Variants in CBLB observed in about 807,000 individuals in gnomAD.
The protein encoded by CBLB is E3 ubiquitin-protein ligase CBL-B.
In CBLB, 31 loss-of-function variants were observed where a neutral mutation model predicts 104.9. The ratio of observed to expected loss-of-function variants is 0.30; its 90% CI spans 0.22 to 0.40. The LOEUF is 0.40. Ranked by LOEUF, CBLB falls within the 10% of genes least tolerant of loss-of-function variation. The pLI is 1.00. For missense variants in CBLB, 1,062 were observed against 1,214.6 expected (o/e 0.87, Z 1.87); for synonymous variants, 440 against 422.6 (o/e 1.04, Z -0.51).
Position 105,857,178 on chromosome 3 carries a change from C to T in CBLB, c.169-3514G>A, listed in dbSNP as rs138368433. On this transcript the variant is annotated intron_variant, in intron 2 of 18. Transcript: ENST00000394030. The stretch of plus-strand genomic sequence containing the variant: ...TCAGGTATTTTTTTTCCAGACATTC[C>T]ACATAAATATTCTTTGACAGAAACG... Among the ~76,000 whole-genome samples, 299 of 152,162 alleles carry T rather than the reference C, an allele frequency of 2.0e-3. 4 individuals are homozygous for T. Among genetic ancestry groups the T allele is most frequent in the African/African-American group, 6.6e-3 (274 of 41,528 alleles).
intron 3 of CBLB, among the ~76,000 whole-genome samples, chr3:105,832,618 T>C (rs1350529251): frequency 6.6e-6 from 1 of 152,220 alleles, no homozygotes; most frequent in Non-Finnish European, 1.5e-5. Flanking sequence ...CTATTAAATT[T>C]CTTTTTCCAT....
At position 105,665,395 on chromosome 3, in the gene CBLB, AAATAAAT is replaced by A. The variant is rs1559733530; in HGVS notation, c.2689+4831_2689+4837del. Among the ~76,000 whole-genome samples the A allele has an allele frequency of 6.0e-4, 61 of 101,716 alleles. No homozygotes were observed. In the East Asian group the frequency reaches 8.8e-3, roughly 15 times the overall value. The allele number at this position is 101,716 out of a possible 152,430, so 66.7% of individuals were successfully genotyped here. A position where few individuals can be genotyped will look rare whatever the true frequency, so the allele number is the denominator to read the frequency against. ...AGCGAGACTCTGTCTCCAAAAAAAT[AAATAAAT>A]AAATAAATAAATAAATATATATATA... is the stretch of plus-strand genomic sequence containing the variant. On this transcript the variant is annotated intron_variant, in intron 18 of 18. Transcript: ENST00000394030.
rs373403352 is a variant in CBLB at position 105,681,544 on chromosome 3, T to C, written c.2363A>G (p.Asn788Ser). The C allele has an allele frequency of 3.7e-6, 6 of 1,614,102 alleles. No homozygotes were observed. Among genetic ancestry groups the C allele is most frequent in the Non-Finnish European group, 4.2e-6 (5 of 1,179,964 alleles). Reference protein sequence around the residue: ...LPPARPPTRDNPKHGSSLNRT... With the variant: ...LPPARPPTRDSPKHGSSLNRT... The stretch of plus-strand genomic sequence containing the variant: ...GTTGAGTGAAGAACCATGCTTTGGA[T>C]TGTCCCGAGTTGGAGGCCTGGCAGG... Residue 788 changes from asparagine (N) to serine (S), a missense_variant, in exon 16 of 19, where the codon AAT becomes AGT. Physicochemically the swap from Asn to Ser is conservative, Grantham distance 46. This residue lies in a region of CBLB where 605 missense variants were observed against 582.6 expected (regional missense o/e 1.04). Coordinates refer to ENST00000394030, the MANE Select transcript of CBLB (RefSeq NM_170662.5).
chr3:105,672,137 G>A lies in CBLB; in HGVS notation c.2570-1785C>T, dbSNP rs184548312. 3.5e-3 allele frequency: 667 copies of A among 192,196 alleles called. 3 individuals carry two copies. The highest frequency in any genetic ancestry group is 0.015 in the African/African-American group (648 of 43,198). 11.9% of individuals were successfully genotyped at this position (192,196 alleles called of 1,614,324 possible). Reference sequence around the variant, plus strand: ...ACATACACTTGCTTATTTCTTTACGGGAAATTTATAGGTTTGTCAAATACA... The same window carrying A: ...ACATACACTTGCTTATTTCTTTACGAGAAATTTATAGGTTTGTCAAATACA... On this transcript the variant is annotated intron_variant, in intron 17 of 18. Transcript: ENST00000394030.
At chr3:105,717,523 G>A (rs1176421911) in intron 10 of CBLB, among the ~76,000 whole-genome samples, 2 of 152,160 alleles carry the variant, frequency 1.3e-5, no homozygotes, top group East Asian at 3.9e-4. Flanking sequence ...CACTTAAAAT[G>A]TAAAATCATT....
intron 3 of CBLB, among the ~76,000 whole-genome samples, chr3:105,783,984 C>T (rs1357565980): frequency 3.3e-5 from 5 of 152,140 alleles, no homozygotes; most frequent in Admixed American, 2.6e-4. Context: ...TTTAACTTTG[C>T]ATTAATGCTA....
At chr3:105,855,565 A>C (rs569256049) in intron 2 of CBLB, among the ~76,000 whole-genome samples, 8 of 152,328 alleles carry the variant, frequency 5.3e-5, no homozygotes, top group African/African-American at 1.7e-4. Flanking sequence ...TTTTTAAAAG[A>C]TGGTTTTAGA....
Position 105,704,104 on chromosome 3 carries a change from G to T in CBLB, c.1477C>A (p.Gln493Lys). 1 of 1,614,174 alleles carries T rather than the reference G, an allele frequency of 6.2e-7. No individual in the cohort carries two copies. Among genetic ancestry groups the T allele is most frequent in the Non-Finnish European group, 8.5e-7 (1 of 1,180,002 alleles). ...SSPLAQRRKPQPDPLQIPHLS... is the reference protein window; with the variant it reads ...SSPLAQRRKPKPDPLQIPHLS... The stretch of plus-strand genomic sequence containing the variant: ...TGTGGGATCTGGAGTGGGTCAGGCT[G>T]TGGCTTTCTTCTCTGGGCAAGGGGA... The change falls in exon 11 of 19, where the codon CAG becomes AAG. Residue 493 changes from glutamine to lysine, a missense_variant. This residue lies in a region of CBLB where 457 missense variants were observed against 632.0 expected (regional missense o/e 0.72). Coordinates refer to ENST00000394030, the MANE Select transcript of CBLB (RefSeq NM_170662.5).
intron 6 of CBLB, among the ~76,000 whole-genome samples, chr3:105,742,835 C>T (rs1438339453): frequency 1.3e-5 from 2 of 152,064 alleles, no homozygotes; most frequent in Non-Finnish European, 2.9e-5. Flanking sequence ...TAGTAAGAAT[C>T]TAGTAGATAC....
intron 3 of CBLB, among the ~76,000 whole-genome samples, chr3:105,849,786 T>A (rs376505013): frequency 1.1e-4 from 16 of 152,222 alleles, no homozygotes; most frequent in African/African-American, 3.6e-4. Flanking sequence ...ATTTAATGGA[T>A]GACTTGGCTG....
At chr3:105,850,370 C>T (rs2090790339) in intron 3 of CBLB, among the ~76,000 whole-genome samples, 1 of 151,998 alleles carries the variant, frequency 6.6e-6, no homozygotes, top group Non-Finnish European at 1.5e-5. Flanking sequence ...CCCTATGAGG[C>T]CAGTTTTTCT....
Position 105,737,502 on chromosome 3 carries a change from A to C in CBLB, c.984-244T>G, listed in dbSNP as rs185717271. Among the ~76,000 whole-genome samples the C allele has an allele frequency of 2.0e-3, 303 of 152,196 alleles. 2 individuals are homozygous for C. Among genetic ancestry groups the C allele is most frequent in the African/African-American group, 7.1e-3 (294 of 41,540 alleles). On this transcript the variant is annotated intron_variant, in intron 7 of 18. Transcript: ENST00000394030. ...CCTAACCCACTAAGCAACCATTTTC[A>C]ATGAAATACCTTTAATATATGTCTC... is the stretch of plus-strand genomic sequence containing the variant.
chr3:105,685,571 C>T (rs901876374), intron 13 of CBLB, 105 bp from the exon 14 acceptor site: 27 of 887,620 alleles, frequency 3.0e-5, no homozygotes, highest in Non-Finnish European at 4.7e-5. Context: ...CACTTATGTT[C>T]ATTTTTCAAT....
At chr3:105,680,309 AAGAC>A (rs745624067) in intron 16 of CBLB, among the ~76,000 whole-genome samples, 188 of 147,706 alleles carry the variant, frequency 1.3e-3, no homozygotes, top group Middle Eastern at 3.4e-3. Flanking sequence ...TCAAGGTAAA[AAGAC>A]AGGTTGGAAA....
intron 9 of CBLB, among the ~76,000 whole-genome samples, chr3:105,726,511 G>A (rs2073655305): frequency 6.7e-6 from 1 of 149,544 alleles, no homozygotes; most frequent in African/African-American, 2.5e-5. Context: ...ACAGTTTGGG[G>A]TTTGTTCCAT....
Position 105,792,438 on chromosome 3 carries a change from A to T in CBLB, c.420-15896T>A, listed in dbSNP as rs115759431. ...CTCTCTCAGGTCAGACCTCAAGGGCAACTACTTATGGGACTTTCATTTGTC... is the reference window on the plus strand; with the variant it reads ...CTCTCTCAGGTCAGACCTCAAGGGCTACTACTTATGGGACTTTCATTTGTC... On this transcript the variant is annotated intron_variant, in intron 3 of 18. Transcript: ENST00000394030. Among the ~76,000 whole-genome samples the T allele has an allele frequency of 6.7e-3, 1,019 of 152,282 alleles. 3 individuals are homozygous for T. Among genetic ancestry groups the T allele is most frequent in the Non-Finnish European group, 0.011 (717 of 68,022 alleles).
chr3:105,855,331 G>A (rs1472893093), intron 2 of CBLB, among the ~76,000 whole-genome samples: 1 of 152,106 alleles, frequency 6.6e-6, no homozygotes, highest in Non-Finnish European at 1.5e-5. Context: ...TAATACTGGA[G>A]ATCTAATGTA....
chr3:105,688,760 C>A (rs2067311402), intron 13 of CBLB, among the ~76,000 whole-genome samples: 1 of 151,932 alleles, frequency 6.6e-6, no homozygotes, highest in African/African-American at 2.4e-5. Flanking sequence ...TAAATCATTT[C>A]CTCAAAACAC....
At chr3:105,800,350 T>C (rs1361332426) in intron 3 of CBLB, among the ~76,000 whole-genome samples, 2 of 152,134 alleles carry the variant, frequency 1.3e-5, no homozygotes, top group Non-Finnish European at 2.9e-5. Flanking sequence ...GGAGGATGCT[T>C]CCTAGTTCCT....
Sources: gnomAD v4.1 joint callset for allele counts (sites outside exome capture counted in the v4.1 genomes callset) on GRCh38, gnomAD v4.1.1 for gene constraint, gnomAD v4.1.1 regional missense constraint, MANE v1.5 for transcripts, NCBI Gene and HGNC (gene_info 2026-07-23, HGNC 2026-07-21) for gene names.